The following ESR1 variants were observed in gnomAD, a reference collection of about 807,000 sequenced individuals.
ESR1 encodes the protein estrogen receptor.
A neutral mutation model predicts 52.7 loss-of-function variants in ESR1; 12 were observed. The ratio of observed to expected loss-of-function variants is 0.23; its 90% CI spans 0.15 to 0.37. The LOEUF is 0.37. Among genes scored for constraint, ESR1 ranks in the 10% least tolerant of loss-of-function variants. ESR1 has a pLI of 1.00. For missense variants in ESR1, 584 were observed against 779.7 expected, an observed-to-expected ratio of 0.75 and a Z score of 2.99; for synonymous variants, 305 against 316.8, an observed-to-expected ratio of 0.96 and a Z score of 0.39.
At chr6:152,054,825 A>G (rs753378658) in intron 5 of ESR1, among the ~76,000 whole-genome samples, 1 of 152,112 alleles carries the variant, frequency 6.6e-6, no homozygotes, top group Admixed American at 6.5e-5. Context: ...CACTCAGTCA[A>G]TGTTTTGAGA....
chr6:152,127,751 C>T (rs1367408317), exon 7 of ESR1: 1 of 152,020 alleles, frequency 6.6e-6, no homozygotes, highest in Non-Finnish European at 1.5e-5. Context: ...AAATAGATCC[C>T]CAGATAATGA....
chr6:151,898,721 G>A (rs1490803231), intron 3 of ESR1, among the ~76,000 whole-genome samples: 2 of 152,104 alleles, frequency 1.3e-5, no homozygotes, highest in Non-Finnish European at 2.9e-5. Context: ...TGGGGGTAAG[G>A]TCACAGATCA....
chr6:152,085,161 G>A (rs1330823774), intron 6 of ESR1, among the ~76,000 whole-genome samples: 1 of 152,084 alleles, frequency 6.6e-6, no homozygotes, highest in Admixed American at 6.6e-5. Flanking sequence ...GGTATAGCTT[G>A]GCATGGTGGT....
At chr6:151,979,981 A>G (rs918850776) in intron 4 of ESR1, among the ~76,000 whole-genome samples, 3 of 152,206 alleles carry the variant, frequency 2.0e-5, no homozygotes, top group Non-Finnish European at 2.9e-5. Context: ...CAAATTGCAT[A>G]ATGCTATTGC....
chr6:151,918,383 A>AC, intron 3 of ESR1, among the ~76,000 whole-genome samples: 1 of 152,298 alleles, frequency 6.6e-6, no homozygotes, highest in African/African-American at 2.4e-5. Context: ...TGCCCTTTGC[A>AC]CCCCCAGGAG....
At chr6:151,672,703 C>T (rs896498290) in intron 1 of ESR1, among the ~76,000 whole-genome samples, 1 of 151,758 alleles carries the variant, frequency 6.6e-6, no homozygotes, top group African/African-American at 2.4e-5. Context: ...GAACTCCTGA[C>T]CTCAGGTGAT....
intron 2 of ESR1, among the ~76,000 whole-genome samples, chr6:151,866,592 C>T (rs1186521549): frequency 1.3e-5 from 2 of 151,790 alleles, no homozygotes; most frequent in Non-Finnish European, 1.5e-5. Context: ...GTTTTCTGTT[C>T]CTGTGTTAGT....
intron 3 of ESR1, among the ~76,000 whole-genome samples, chr6:151,914,814 T>C (rs779024381): frequency 1.3e-5 from 2 of 152,186 alleles, no homozygotes; most frequent in Non-Finnish European, 2.9e-5. Flanking sequence ...ATAAGGTAAT[T>C]CTTGTCCTTT....
intron 1 of ESR1, among the ~76,000 whole-genome samples, chr6:151,841,655 C>T (rs1266356517): frequency 6.6e-6 from 1 of 151,576 alleles, no homozygotes; most frequent in Non-Finnish European, 1.5e-5. Flanking sequence ...TCTTGGTTTT[C>T]CTAGAATTTT....
chr6:151,878,935 C>T (rs938401623), intron 2 of ESR1, among the ~76,000 whole-genome samples: 15 of 152,136 alleles, frequency 9.9e-5, no homozygotes, highest in African/African-American at 3.6e-4. Context: ...CTGTGGGCAG[C>T]TGGACATATG....
intron 4 of ESR1, among the ~76,000 whole-genome samples, chr6:151,954,794 A>C (rs1325291116): frequency 6.6e-6 from 1 of 152,228 alleles, no homozygotes; most frequent in Non-Finnish European, 1.5e-5. Flanking sequence ...TTCTTTTTGC[A>C]TCAATAAGGC....
At chr6:151,848,531 G>A (rs1219625832) in intron 2 of ESR1, among the ~76,000 whole-genome samples, 1 of 151,830 alleles carries the variant, frequency 6.6e-6, no homozygotes, top group Non-Finnish European at 1.5e-5. Flanking sequence ...TGGGCTTGGG[G>A]ACTCACTCTT....
chr6:152,083,359 TG>T (rs2049404664), intron 6 of ESR1, among the ~76,000 whole-genome samples: 1 of 152,138 alleles, frequency 6.6e-6, no homozygotes, highest in Admixed American at 6.5e-5. Context: ...AAACAAGAAA[TG>T]GGGAAAGGAT....
At chr6:152,074,052 C>T (rs9478276) in intron 6 of ESR1, among the ~76,000 whole-genome samples, 31,165 of 151,934 alleles carry the variant, frequency 0.21, 4,407 homozygotes, top group African/African-American at 0.39. Context: ...ACACAGTCTC[C>T]CTCACTATCA....
intron 2 of ESR1, among the ~76,000 whole-genome samples, chr6:151,737,507 C>T (rs769025508): frequency 5.3e-5 from 8 of 152,010 alleles, no homozygotes; most frequent in Admixed American, 1.3e-4. Context: ...CATTTTTTTG[C>T]GATTTGCAAA....
At chr6:152,106,547 G>A (rs902813477), downstream of ESR1, among the ~76,000 whole-genome samples, 2 of 152,084 alleles carry the variant, frequency 1.3e-5, no homozygotes, top group Admixed American at 1.3e-4. Flanking sequence ...TGGAATTCCT[G>A]GTTGATGATC....
intron 3 of ESR1, among the ~76,000 whole-genome samples, chr6:151,911,118 A>G (rs375849874): frequency 8.5e-4 from 129 of 152,278 alleles, no homozygotes; most frequent in African/African-American, 3.0e-3. Context: ...CCAGTTCCTA[A>G]CAGGCCATGA....
At chr6:151,849,524 A>G (rs1338590409) in intron 2 of ESR1, among the ~76,000 whole-genome samples, 1 of 151,988 alleles carries the variant, frequency 6.6e-6, no homozygotes, top group Non-Finnish European at 1.5e-5. Context: ...TGTGCCTGTA[A>G]TCCCAGCTAC....
At chr6:151,681,938 G>T (rs1303684711) in intron 1 of ESR1, among the ~76,000 whole-genome samples, 3 of 152,196 alleles carry the variant, frequency 2.0e-5, no homozygotes, top group Admixed American at 6.5e-5. Flanking sequence ...GGCAGTCTCC[G>T]GTGGCTGCAG....
Sources: allele counts gnomAD v4.1 joint callset (sites outside exome capture counted in the v4.1 genomes callset), GRCh38; gene constraint gnomAD v4.1.1; transcripts MANE v1.5; gene names NCBI Gene and HGNC (gene_info 2026-07-23, HGNC 2026-07-21).